The following EXOC4 variants were observed in gnomAD, a reference collection of about 807,000 sequenced individuals.
The protein encoded by EXOC4 is exocyst complex component 4.
Under a neutral mutation model 107.2 loss-of-function variants are expected in EXOC4, and 71 were observed. The ratio of observed to expected loss-of-function variants is 0.66; its 90% CI spans 0.55 to 0.81. The LOEUF is 0.81. EXOC4 is among the 30% of genes least tolerant of loss of function. EXOC4 has a pLI of 0.00. For synonymous variants in EXOC4, 456 were observed against 441.2 expected (o/e 1.03, Z -0.42); for missense variants, 1,108 against 1,189.6 (o/e 0.93, Z 1.01).
At chr7:133,720,586 A>G (rs1585101469) in intron 10 of EXOC4, among the ~76,000 whole-genome samples, 1 of 152,196 alleles carries the variant, frequency 6.6e-6, no homozygotes, top group African/African-American at 2.4e-5. Flanking sequence ...GAAATTTCTG[A>G]TAGTTTGGTG....
chr7:133,435,422 A>G (rs1797948074), intron 7 of EXOC4, among the ~76,000 whole-genome samples: 2 of 152,158 alleles, frequency 1.3e-5, no homozygotes, highest in South Asian at 4.1e-4. Context: ...AAGTTGCTCA[A>G]CTATTGTGGT....
intron 10 of EXOC4, among the ~76,000 whole-genome samples, chr7:133,702,229 G>A (rs1160416041): frequency 6.6e-6 from 1 of 151,196 alleles, no homozygotes; most frequent in Non-Finnish European, 1.5e-5. Context: ...AAAATAATGT[G>A]TTCGGGGTAT....
intron 10 of EXOC4, among the ~76,000 whole-genome samples, chr7:133,729,792 T>G (rs926015958): frequency 2.0e-5 from 3 of 152,086 alleles, no homozygotes; most frequent in Non-Finnish European, 4.4e-5. Flanking sequence ...TAATCAGCTT[T>G]TATATTTCTC....
intron 10 of EXOC4, among the ~76,000 whole-genome samples, chr7:133,692,014 T>C (rs1006573364): frequency 1.3e-5 from 2 of 152,056 alleles, no homozygotes; most frequent in African/African-American, 4.8e-5. Context: ...AAAAATAATA[T>C]AGAGGGAATA....
chr7:133,406,887 G>T (rs188094961), intron 7 of EXOC4, among the ~76,000 whole-genome samples: 41 of 152,288 alleles, frequency 2.7e-4, no homozygotes, highest in African/African-American at 9.1e-4. Flanking sequence ...ACAGTCCATT[G>T]CCACTGGTAT....
intron 10 of EXOC4, among the ~76,000 whole-genome samples, chr7:133,773,076 A>T (rs1450957241): frequency 6.6e-6 from 1 of 152,022 alleles, no homozygotes; most frequent in Non-Finnish European, 1.5e-5. Flanking sequence ...TCCCTAGGTC[A>T]TTGCTTTCAT....
intron 17 of EXOC4, among the ~76,000 whole-genome samples, chr7:134,058,585 C>A (rs1236182443): frequency 2.0e-5 from 3 of 152,186 alleles, no homozygotes; most frequent in Non-Finnish European, 2.9e-5. Flanking sequence ...ATTCCCAGAT[C>A]AAATCCAGTG....
At chr7:133,344,332 T>C (rs1795735278) in intron 5 of EXOC4, among the ~76,000 whole-genome samples, 1 of 152,228 alleles carries the variant, frequency 6.6e-6, no homozygotes, top group African/African-American at 2.4e-5. Context: ...GGAATTTACC[T>C]CTGTTGCTGT....
intron 10 of EXOC4, among the ~76,000 whole-genome samples, chr7:133,651,468 A>T (rs890045301): frequency 1.3e-5 from 2 of 152,234 alleles, no homozygotes; most frequent in African/African-American, 4.8e-5. Flanking sequence ...ATGAAAAATT[A>T]TCACATTATC....
chr7:134,045,263 T>G (rs956700857), intron 17 of EXOC4, among the ~76,000 whole-genome samples: 16 of 152,244 alleles, frequency 1.1e-4, no homozygotes, highest in Non-Finnish European at 2.2e-4. Context: ...TACTCATTAC[T>G]AGTTGTTATC....
intron 17 of EXOC4, among the ~76,000 whole-genome samples, chr7:134,043,820 T>C (rs989664244): frequency 6.6e-6 from 1 of 152,138 alleles, no homozygotes; most frequent in African/African-American, 2.4e-5. Context: ...AGGCAGGAGA[T>C]TGGCCAGGGC....
intron 7 of EXOC4, among the ~76,000 whole-genome samples, chr7:133,466,641 T>C (rs1467682672): frequency 1.3e-5 from 2 of 152,186 alleles, no homozygotes; most frequent in Non-Finnish European, 2.9e-5. Context: ...TTGCAAACTC[T>C]TTCAGAAAAT....
At chr7:133,391,523 C>T (rs1328482234) in intron 7 of EXOC4, among the ~76,000 whole-genome samples, 3 of 152,064 alleles carry the variant, frequency 2.0e-5, no homozygotes, top group South Asian at 2.1e-4. Flanking sequence ...GATAGACAAA[C>T]GGGTAGGAGT....
intron 11 of EXOC4, among the ~76,000 whole-genome samples, chr7:133,825,325 A>G (rs1268220477): frequency 6.6e-6 from 1 of 152,166 alleles, no homozygotes; most frequent in Non-Finnish European, 1.5e-5. Context: ...TGATCATGCC[A>G]CTGCACTGCA....
intron 9 of EXOC4, among the ~76,000 whole-genome samples, chr7:133,539,821 CTG>C (rs1800345268): frequency 6.6e-6 from 1 of 152,030 alleles, no homozygotes; most frequent in South Asian, 2.1e-4. Flanking sequence ...GATCATTGCT[CTG>C]TGAAGTTTAT....
chr7:133,814,118 A>C (rs1797305061), intron 10 of EXOC4, among the ~76,000 whole-genome samples: 1 of 152,132 alleles, frequency 6.6e-6, no homozygotes, highest in African/African-American at 2.4e-5. Flanking sequence ...TCAAAAGTCT[A>C]ATTTCTACTC....
At chr7:133,452,776 AACT>A (rs1798376932) in intron 7 of EXOC4, among the ~76,000 whole-genome samples, 1 of 152,036 alleles carries the variant, frequency 6.6e-6, no homozygotes. Context: ...TACATATGTA[AACT>A]ACTCAGCTTT....
chr7:133,928,372 T>A (rs1800098670), intron 13 of EXOC4, among the ~76,000 whole-genome samples: 1 of 152,162 alleles, frequency 6.6e-6, no homozygotes, highest in Admixed American at 6.5e-5. Context: ...CGAAAGCCCG[T>A]GCCTGCTGTA....
intron 9 of EXOC4, among the ~76,000 whole-genome samples, chr7:133,581,552 A>G (rs2150967956): frequency 6.6e-6 from 1 of 151,712 alleles, no homozygotes; most frequent in African/African-American, 2.4e-5. Context: ...AGGTCAGGAG[A>G]TCGAGACCAT....
Sources: allele counts gnomAD v4.1 joint callset (sites outside exome capture counted in the v4.1 genomes callset), GRCh38; gene constraint gnomAD v4.1.1; transcripts MANE v1.5; gene names NCBI Gene and HGNC (gene_info 2026-07-23, HGNC 2026-07-21).